EYS: variants seen among roughly 807,000 people sequenced by gnomAD.
EYS encodes the protein EGF-like photoreceptor maintenance factor.
EYS carries 250 observed loss-of-function variants against 282.1 expected under a neutral mutation model. The ratio of observed to expected loss-of-function variants is 0.89; its 90% CI spans 0.80 to 0.98. EYS has a LOEUF of 0.98. Among genes scored for constraint, EYS ranks in the 50% least tolerant of loss-of-function variants. The pLI is 0.00. For missense variants in EYS, 4,016 were observed against 3,709.0 expected (o/e 1.08, Z -2.15); for synonymous variants, 1,355 against 1,282.9 (o/e 1.06, Z -1.20).
chr6:64,191,339 A>G (rs1765096789), intron 31 of EYS, among the ~76,000 whole-genome samples: 1 of 151,778 alleles, frequency 6.6e-6, no homozygotes, highest in Non-Finnish European at 1.5e-5. Context: ...TATTATTAAT[A>G]TTATTATTAT....
chr6:64,249,142 T>A (rs1294111544), intron 30 of EYS, among the ~76,000 whole-genome samples: 2 of 146,692 alleles, frequency 1.4e-5, no homozygotes, highest in Non-Finnish European at 3.0e-5. Flanking sequence ...AAATATAGAA[T>A]CAACATAAAG....
intron 1 of EYS, among the ~76,000 whole-genome samples, chr6:65,642,537 T>A (rs1767312650): frequency 6.6e-6 from 1 of 152,126 alleles, no homozygotes; most frequent in Non-Finnish European, 1.5e-5. Context: ...CATTTTATTT[T>A]TTTTTATTCA....
intron 26 of EYS, among the ~76,000 whole-genome samples, chr6:64,571,892 T>C (rs1248339605): frequency 2.6e-5 from 4 of 151,834 alleles, no homozygotes; most frequent in African/African-American, 7.3e-5. Context: ...TTGCAAACAA[T>C]AGAAAAAGAG....
intron 5 of EYS, among the ~76,000 whole-genome samples, chr6:65,487,724 G>T (rs34579964): frequency 6.6e-6 from 1 of 152,102 alleles, no homozygotes; most frequent in Non-Finnish European, 1.5e-5. Flanking sequence ...TTTTTCTATT[G>T]ATCGGAATAG....
intron 31 of EYS, among the ~76,000 whole-genome samples, chr6:64,141,570 G>T (rs1774339521): frequency 6.6e-6 from 1 of 152,072 alleles, no homozygotes; most frequent in South Asian, 2.1e-4. Context: ...TAATAGGCAT[G>T]AAAATAAGCC....
At chr6:63,826,881 A>G (rs1234097574) in intron 36 of EYS, among the ~76,000 whole-genome samples, 1 of 151,784 alleles carries the variant, frequency 6.6e-6, no homozygotes, top group Non-Finnish European at 1.5e-5. Flanking sequence ...AAACAAAAAA[A>G]AAATACATAG....
intron 30 of EYS, among the ~76,000 whole-genome samples, chr6:64,278,127 A>G (rs1360084036): frequency 2.0e-5 from 3 of 152,154 alleles, no homozygotes; most frequent in Non-Finnish European, 4.4e-5. Context: ...ATGTAATTGG[A>G]TGCCTTATGA....
chr6:65,077,332 A>C lies in EYS; in HGVS notation c.2024-19605T>G, dbSNP rs143848182. Among the ~76,000 whole-genome samples, 59 of 152,206 alleles carry C rather than the reference A, an allele frequency of 3.9e-4. 1 individual carries two copies. Among genetic ancestry groups the C allele is most frequent in the African/African-American group, 1.2e-3 (50 of 41,564 alleles). Reference sequence around the variant, plus strand: ...GCTGCTTGAATGAACGTCTTAGTCCATCACCATTAAAGAGAGACAAACAGT... The same window carrying C: ...GCTGCTTGAATGAACGTCTTAGTCCCTCACCATTAAAGAGAGACAAACAGT... On this transcript the variant is annotated intron_variant, in intron 12 of 42. Transcript: ENST00000503581.
chr6:64,700,972 A>G (rs1449181794), intron 22 of EYS, among the ~76,000 whole-genome samples: 2 of 152,114 alleles, frequency 1.3e-5, no homozygotes, highest in Non-Finnish European at 2.9e-5. Context: ...TTCAAATTAT[A>G]CTACAAGGCT....
chr6:63,829,583 A>C lies in EYS; in HGVS notation c.7229-23211T>G, dbSNP rs150211438. On this transcript the variant is annotated intron_variant, in intron 36 of 42. Coordinates refer to ENST00000503581, the MANE Select transcript of EYS (RefSeq NM_001142800.2). ...AGCTGGGAAGCTCAAACTGGGTGGA[A>C]ACCACTGCAGCTCAAGGAGGCCTGC... is the stretch of plus-strand genomic sequence containing the variant. Among the ~76,000 whole-genome samples the C allele has an allele frequency of 6.4e-3, 980 of 152,322 alleles. 6 individuals are homozygous for C. The highest frequency in any genetic ancestry group is 0.014 in the Middle Eastern group (4 of 294).
intron 2 of EYS, among the ~76,000 whole-genome samples, chr6:65,583,175 T>C (rs1162132603): frequency 6.6e-6 from 1 of 152,062 alleles, no homozygotes. Flanking sequence ...TCTTTTTAAT[T>C]CCCTTCTGCT....
At chr6:65,036,380 A>G (rs1772772405) in intron 13 of EYS, among the ~76,000 whole-genome samples, 1 of 151,990 alleles carries the variant, frequency 6.6e-6, no homozygotes. Context: ...TAACAATCCT[A>G]GAAAAAAAAC....
intron 12 of EYS, among the ~76,000 whole-genome samples, chr6:65,178,712 T>C (rs1765293751): frequency 6.6e-6 from 1 of 152,054 alleles, no homozygotes; most frequent in Non-Finnish European, 1.5e-5. Context: ...CAAGCAGACA[T>C]AATAGACATC....
intron 12 of EYS, among the ~76,000 whole-genome samples, chr6:65,284,678 AC>A (rs1321721727): frequency 1.3e-5 from 2 of 152,048 alleles, no homozygotes; most frequent in African/African-American, 4.8e-5. Context: ...ATAATTAATC[AC>A]TATGGCCTCA....
intron 29 of EYS, among the ~76,000 whole-genome samples, chr6:64,387,650 A>C (rs1234197736): frequency 6.6e-6 from 1 of 152,148 alleles, no homozygotes; most frequent in Non-Finnish European, 1.5e-5. Flanking sequence ...CTATCATGGA[A>C]CTTTTAGAAT....
intron 19 of EYS, among the ~76,000 whole-genome samples, chr6:64,830,714 T>C (rs182414804): frequency 6.6e-6 from 1 of 152,042 alleles, no homozygotes; most frequent in Admixed American, 6.6e-5. Flanking sequence ...AATTATAATT[T>C]TGGGTATCTG....
intron 13 of EYS, among the ~76,000 whole-genome samples, chr6:65,047,256 T>A (rs1447264703): frequency 1.3e-5 from 2 of 151,852 alleles, no homozygotes; most frequent in Non-Finnish European, 2.9e-5. Context: ...TTTCATCAAA[T>A]AACTCCCTCA....
intron 7 of EYS, among the ~76,000 whole-genome samples, chr6:65,397,452 T>A (rs1766323590): frequency 6.6e-6 from 1 of 152,068 alleles, no homozygotes; most frequent in African/African-American, 2.4e-5. Flanking sequence ...AGTTTCCACT[T>A]ATAAGTGAAA....
chr6:64,203,313 C>A (rs1285852860), intron 31 of EYS, among the ~76,000 whole-genome samples: 1 of 152,170 alleles, frequency 6.6e-6, no homozygotes. Flanking sequence ...GGTGGGCAAG[C>A]CTTGGCAGTA....
Sources: allele counts gnomAD v4.1 joint callset (sites outside exome capture counted in the v4.1 genomes callset), GRCh38; gene constraint gnomAD v4.1.1; transcripts MANE v1.5; gene names NCBI Gene and HGNC (gene_info 2026-07-23, HGNC 2026-07-21).